Variants in SRRM2 observed in about 807,000 individuals in gnomAD.
The protein encoded by SRRM2 is serine/arginine repetitive matrix 2.
A neutral mutation model predicts 213.8 loss-of-function variants in SRRM2; 30 were observed. That is an observed-to-expected ratio of 0.14 (90% CI 0.10 to 0.19). The LOEUF (loss-of-function observed/expected upper bound fraction) is 0.19, where lower values mean the gene tolerates loss of function less well. Among genes scored for constraint, SRRM2 ranks in the 10% least tolerant of loss-of-function variants. The pLI is 1.00. For synonymous variants in SRRM2, 2,025 were observed against 1,377.7 expected (o/e 1.47, Z -10.40); for missense variants, 4,904 against 3,647.0 (o/e 1.34, Z -8.88).
rs1392280971 is a variant in SRRM2, at chr16:2,752,713, G to A, written c.-165G>A. The A allele has an allele frequency of 8.4e-6, 3 of 356,758 alleles. No homozygotes were observed. Among genetic ancestry groups the A allele is most frequent in the East Asian group, 1.5e-4 (1 of 6,662 alleles). 22.1% of individuals were successfully genotyped at this position (356,758 alleles called of 1,614,324 possible). The stretch of plus-strand genomic sequence containing the variant: ...CCCGTTGCGGCCCCTGAGGAAGCGA[G>A]GAGGCGTCGGCGTCGGCTGAGGCGG... On this transcript the variant is annotated 5_prime_UTR_variant, in exon 1 of 15. Transcript: ENST00000301740.
At position 2,761,622 on chromosome 16, in the gene SRRM2, C is replaced by T. The variant is rs987896755; in HGVS notation, c.1094C>T (p.Ala365Val). ...ERSSTGPEPP[A>V]PTPLLAERHG... is the part of the protein sequence containing the mutation. ...AGCAGCACAGGCCCAGAACCACCTG[C>T]TCCCACTCCGCTCCTTGCTGAGCGA... Residue 365 changes from alanine to valine, a missense_variant, in exon 11 of 15, where the codon GCT becomes GTT. Transcript: ENST00000301740. 1.3e-6 allele frequency: 2 copies of T among 1,558,984 alleles called. No homozygotes were observed. Among genetic ancestry groups the T allele is most frequent in the Admixed American group, 4.0e-5 (2 of 49,664 alleles).
rs1218281893 is a variant in SRRM2, at chr16:2,766,968, C to T, written c.6440C>T (p.Ser2147Phe). 1 of 1,614,148 alleles carries T rather than the reference C, an allele frequency of 6.2e-7. No homozygotes were observed. Among genetic ancestry groups the T allele is most frequent in the Non-Finnish European group, 8.5e-7 (1 of 1,180,030 alleles). Residue 2147 changes from serine (S) to phenylalanine (F), a missense_variant, in exon 11 of 15, where the codon TCT (serine) becomes TTT (phenylalanine). By Grantham distance (155) the Ser-to-Phe change is radical. Transcript: ENST00000301740. This position sits in a 1 kb window ranked among gnomAD's most constrained non-coding sequence, Gnocchi z 7.0. Reference protein sequence around the residue: ...EPLGSSRTPMSVLQQAGGSMM... With the variant: ...EPLGSSRTPMFVLQQAGGSMM... ...CTTGGCAGCTCTAGAACACCCATGT[C>T]TGTCCTGCAGCAAGCCGGCGGCTCC... is the stretch of plus-strand genomic sequence containing the variant.
chr16:2,760,248 C>A, intron 9 of SRRM2, 53 bp from the exon 10 acceptor site: 7 of 1,559,044 alleles, frequency 4.5e-6, no homozygotes, highest in Non-Finnish European at 6.1e-6. Flanking sequence ...GTTTTCTGTT[C>A]TCCCTTTGAG....
chr16:2,766,101 C>G lies in SRRM2; in HGVS notation c.5573C>G (p.Pro1858Arg). ...AAGCGTTCTCGCTCACGCACATCAC[C>G]AGCCCCGTGGAAACGCTCTAGATCT... ...SRKRSRSRTS[P>R]APWKRSRSRA... is the part of the protein sequence containing the mutation. The change falls in exon 11 of 15, where the codon CCA becomes CGA. Residue 1858 changes from proline to arginine, a missense_variant. Coordinates refer to ENST00000301740, the MANE Select transcript of SRRM2 (RefSeq NM_016333.4). The surrounding 1 kb of genome is among the most constrained non-coding windows in gnomAD (Gnocchi z 7.0). The G allele has an allele frequency of 6.2e-7, 1 of 1,614,196 alleles. No homozygotes were observed. The highest frequency in any genetic ancestry group is 8.5e-7 in the Non-Finnish European group (1 of 1,180,042).
rs763654749 is a variant in SRRM2 at position 2,765,842 on chromosome 16, A to C, written c.5314A>C (p.Arg1772=). Residue 1772 remains arginine, a synonymous_variant, in exon 11 of 15, where the codon AGG becomes CGG. Transcript: ENST00000301740. ...TTCGCCAAAGCCTCGTGGACTCCAG[A>C]GGTCCCGTTCCCGCTCAAGGAGAGA... The part of the protein sequence containing the change: ...SPSPKPRGLQ[R]SRSRSRREKT... 6.2e-7 allele frequency: 1 copy of C among 1,614,032 alleles called. No individual in the cohort carries two copies. The highest frequency in any genetic ancestry group is 8.5e-7 in the Non-Finnish European group (1 of 1,179,994).
rs1268023274 is a variant in SRRM2, at chr16:2,752,700, CCT to C, written c.-177_-176del. On this transcript the variant is annotated 5_prime_UTR_variant, in exon 1 of 15. Coordinates refer to ENST00000301740, the MANE Select transcript of SRRM2 (RefSeq NM_016333.4). ...GGCGCAGTTGGAGCCCGTTGCGGCC[CCT>C]GAGGAAGCGAGGAGGCGTCGGCGTC... 1 of 339,014 alleles carries C rather than the reference CCT, an allele frequency of 2.9e-6. No homozygotes were observed. Among genetic ancestry groups the C allele is most frequent in the Non-Finnish European group, 5.9e-6 (1 of 170,336 alleles). The allele number at this position is 339,014 out of a possible 1,614,324, so 21.0% of individuals were successfully genotyped here.
intron 11 of SRRM2, 150 bp from the exon 12 acceptor site, chr16:2,768,847 T>C (rs914586597): frequency 9.3e-6 from 14 of 1,499,704 alleles, no homozygotes; most frequent in Non-Finnish European, 1.2e-5. Context: ...GCACCACTGC[T>C]CTCCAGAGAA....
In SRRM2 at chr16:2,770,942, G is replaced by A. The variant is rs770236809; in HGVS notation, c.*75G>A. ...GTGTCCCTTCTTCCCCAGCAGAGCC[G>A]TGGGAGGGTCCTTGTCTGCTCTCCT... is the stretch of plus-strand genomic sequence containing the variant. On this transcript the variant is annotated 3_prime_UTR_variant, in exon 15 of 15. Coordinates refer to ENST00000301740, the MANE Select transcript of SRRM2 (RefSeq NM_016333.4). 29 of 1,590,118 alleles carry A rather than the reference G, an allele frequency of 1.8e-5. No homozygotes were observed. Among genetic ancestry groups the A allele is most frequent in the East Asian group, 6.7e-5 (3 of 44,664 alleles).
Position 2,755,569 on chromosome 16 carries a change from GGAAGGAAATT to G in SRRM2, c.-31-757_-31-748del, listed in dbSNP as rs562316532. 7.7e-3 allele frequency among the ~76,000 whole-genome samples: 1,179 copies of G among 152,146 alleles called. 9 individuals are homozygous for G. Among genetic ancestry groups the G allele is most frequent in the Non-Finnish European group, 0.013 (867 of 67,992 alleles). Reference sequence around the variant, plus strand: ...CAAATTGTTGTAAATCCTATTGAGAGGAAGGAAATTGAAGGAATAAAATATCAGGATAGTT... The same window carrying G: ...CAAATTGTTGTAAATCCTATTGAGAGGAAGGAATAAAATATCAGGATAGTT... On this transcript the variant is annotated intron_variant, in intron 1 of 14. Coordinates refer to ENST00000301740, the MANE Select transcript of SRRM2 (RefSeq NM_016333.4).
intron 1 of SRRM2, chr16:2,753,485 C>T (rs368193490): frequency 1.5e-4 from 23 of 152,140 alleles, no homozygotes; most frequent in African/African-American, 5.3e-4. Flanking sequence ...ATCTTAAAAA[C>T]TGTGAAGAAA....
In SRRM2 at chr16:2,765,596, A is replaced by G. The variant is rs751727194; in HGVS notation, c.5068A>G (p.Ser1690Gly). 1.2e-6 allele frequency: 2 copies of G among 1,614,128 alleles called. No homozygotes were observed. Among genetic ancestry groups the G allele is most frequent in the East Asian group, 2.2e-5 (1 of 44,880 alleles). Residue 1690 changes from serine to glycine, a missense_variant, in exon 11 of 15, where the codon AGC becomes GGC. Transcript: ENST00000301740. ...TKSRTPPRRRSSRSSPELTRK... is the reference protein window; with the variant it reads ...TKSRTPPRRRGSRSSPELTRK... Reference sequence around the variant, plus strand: ...GTCTCGTACACCACCTCGACGTCGCAGCTCTCGATCATCTCCGGAGCTAAC... The same window carrying G: ...GTCTCGTACACCACCTCGACGTCGCGGCTCTCGATCATCTCCGGAGCTAAC...
In SRRM2 at chr16:2,764,226, G is replaced by C. The variant is rs1026176449; in HGVS notation, c.3698G>C (p.Ser1233Thr). The C allele has an allele frequency of 1.2e-6, 2 of 1,614,186 alleles. No homozygotes were observed. The highest frequency in any genetic ancestry group is 1.6e-4 in the Middle Eastern group (1 of 6,062). Residue 1233 changes from serine (S) to threonine (T), a missense_variant, in exon 11 of 15, where the codon AGC becomes ACC. By Grantham distance (58) the Ser-to-Thr change is moderately conservative (BLOSUM62 1). Transcript: ENST00000301740. ...KEQNSALPTS[S>T]QDEELMEVVE... Reference sequence around the variant, plus strand: ...CAAAATAGTGCATTGCCTACGTCAAGCCAAGATGAAGAGTTAATGGAGGTG... The same window carrying C: ...CAAAATAGTGCATTGCCTACGTCAACCCAAGATGAAGAGTTAATGGAGGTG...
rs1356011423 is a variant in SRRM2, at chr16:2,770,690, C to G, written c.8222C>G (p.Pro2741Arg). The change falls in exon 14 of 15, where the codon CCT becomes CGT. Residue 2741 changes from proline to arginine, a missense_variant. Transcript: ENST00000301740. ...SHKRRRETPS[P>R]RPMRHRSSRS... ...AAGCGCAGGAGGGAGACACCTAGCC[C>G]TCGGCCCATGAGACACCGCTCCTCC... 6.4e-7 allele frequency: 1 copy of G among 1,557,434 alleles called. No individual in the cohort carries two copies. The highest frequency in any genetic ancestry group is 1.2e-5 in the South Asian group (1 of 84,930).
rs2068523129 is a variant in SRRM2, at chr16:2,765,870, AAACAAG to A, written c.5348_5353del (p.Arg1783_Thr1784del). The A allele has an allele frequency of 1.9e-6, 3 of 1,614,142 alleles. No individual in the cohort carries two copies. The highest frequency in any genetic ancestry group is 2.5e-6 in the Non-Finnish European group (3 of 1,180,026). Reference sequence around the variant, plus strand: ...TCCCGTTCCCGCTCAAGGAGAGAGAAAACAAGAACAACCCGACGTCGAGATAGGTCT... The same window carrying A: ...TCCCGTTCCCGCTCAAGGAGAGAGAAAACAACCCGACGTCGAGATAGGTCT... On this transcript the variant is annotated inframe_deletion, in exon 11 of 15. Transcript: ENST00000301740.
intron 14 of SRRM2, 31 bp downstream of exon 14, chr16:2,770,748 C>T (rs749881378): frequency 5.0e-6 from 8 of 1,588,756 alleles, no homozygotes; most frequent in East Asian, 2.3e-5. Context: ...ATGCCCCCTT[C>T]CGGGAGCCAG....
chr16:2,761,297 G>A (rs1340522479), intron 10 of SRRM2, among the ~76,000 whole-genome samples: 3 of 152,120 alleles, frequency 2.0e-5, no homozygotes, highest in East Asian at 1.9e-4. Context: ...ATAACATTTT[G>A]TAGTGGTATT....
Position 2,760,332 on chromosome 16 carries a change from A to C in SRRM2, c.865A>C (p.Thr289Pro). 1 of 1,613,958 alleles carries C rather than the reference A, an allele frequency of 6.2e-7. No homozygotes were observed. The highest frequency in any genetic ancestry group is 8.5e-7 in the Non-Finnish European group (1 of 1,180,028). Residue 289 changes from threonine (T) to proline (P), a missense_variant, in exon 10 of 15, where the codon ACT (threonine) becomes CCT (proline). Coordinates refer to ENST00000301740, the MANE Select transcript of SRRM2 (RefSeq NM_016333.4). ...AAGTGCTGCAGCTAAAACTCATACAACTGCCTTGGCTGGGCGAAGTCCTTC... is the reference window on the plus strand; with the variant it reads ...AAGTGCTGCAGCTAAAACTCATACACCTGCCTTGGCTGGGCGAAGTCCTTC... ...SRSAAAKTHT[T>P]ALAGRSPSPA...
At position 2,765,788 on chromosome 16, in the gene SRRM2, A is replaced by G; in HGVS notation, c.5260A>G (p.Lys1754Glu). 9.9e-6 allele frequency: 16 copies of G among 1,614,062 alleles called. No individual in the cohort carries two copies. Among genetic ancestry groups the G allele is most frequent in the Non-Finnish European group, 1.4e-5 (16 of 1,180,020 alleles). ...GCGCTCAGCTTCATCTCCACGCACT[A>G]AGACAACCTCAAGGAGAGGCCGCTC... is the stretch of plus-strand genomic sequence containing the variant. Reference protein sequence around the residue: ...RRRSASSPRTKTTSRRGRSPS... With the variant: ...RRRSASSPRTETTSRRGRSPS... The change falls in exon 11 of 15, where the codon AAG becomes GAG. Residue 1754 changes from lysine to glutamate, a missense_variant. Physicochemically the swap from Lys to Glu is moderately conservative, Grantham distance 56. Coordinates refer to ENST00000301740, the MANE Select transcript of SRRM2 (RefSeq NM_016333.4).
In SRRM2 at chr16:2,756,549, G is replaced by T; in HGVS notation, c.185G>T (p.Arg62Leu). 1 of 1,614,092 alleles carries T rather than the reference G, an allele frequency of 6.2e-7. No individual in the cohort carries two copies. Residue 62 changes from arginine (R) to leucine (L), a missense_variant, in exon 2 of 15, where the codon CGC (arginine) becomes CTC (leucine). Transcript: ENST00000301740. ...AATCCTGACATCCTGGACCACGAGC[G>T]CAAGCGGCGCGTCGAGCTGCGATGC... is the stretch of plus-strand genomic sequence containing the variant. ...RPNPDILDHE[R>L]KRRVELRCLE...
Sources: gnomAD v4.1 joint callset for allele counts (sites outside exome capture counted in the v4.1 genomes callset) on GRCh38, gnomAD v4.1.1 for gene constraint, Gnocchi (gnomAD v3.1) non-coding constraint, MANE v1.5 for transcripts, NCBI Gene and HGNC (gene_info 2026-07-23, HGNC 2026-07-21) for gene names.